NEK7: variants seen among roughly 807,000 people sequenced by gnomAD.
The protein encoded by NEK7 is serine/threonine-protein kinase Nek7.
A neutral mutation model predicts 44.6 loss-of-function variants in NEK7; 18 were observed. The ratio of observed to expected loss-of-function variants is 0.40; its 90% CI spans 0.28 to 0.60. NEK7 has a LOEUF of 0.60. Ranked by LOEUF, NEK7 falls within the 20% of genes least tolerant of loss-of-function variation. The pLI is 0.38. For missense variants in NEK7, 256 were observed against 366.5 expected (o/e 0.70, Z 2.46); for synonymous variants, 130 against 121.1 (o/e 1.07, Z -0.48).
chr1:198,189,210 A>C (rs988062265), intron 1 of NEK7, among the ~76,000 whole-genome samples: 3 of 152,194 alleles, frequency 2.0e-5, no homozygotes, highest in Admixed American at 6.5e-5. Context: ...ATAGGAAAAG[A>C]AAGTGGAAAA....
At chr1:198,275,598 A>G (rs1034628648) in intron 5 of NEK7, among the ~76,000 whole-genome samples, 8 of 151,442 alleles carry the variant, frequency 5.3e-5, no homozygotes, top group Non-Finnish European at 1.5e-5. Context: ...TAGATAATTA[A>G]CTTTTAAAAA....
At chr1:198,239,176 T>C (rs1011278391) in intron 2 of NEK7, among the ~76,000 whole-genome samples, 1 of 152,226 alleles carries the variant, frequency 6.6e-6, no homozygotes, top group Non-Finnish European at 1.5e-5. Context: ...AGAGTTGTCT[T>C]TCTAAAGTAT....
intron 3 of NEK7, among the ~76,000 whole-genome samples, chr1:198,254,886 T>C (rs1653199855): frequency 1.3e-5 from 2 of 152,186 alleles, no homozygotes; most frequent in Admixed American, 1.3e-4. Context: ...GAGATTACTT[T>C]TGGAACGATT....
chr1:198,239,445 T>G (rs1666626445), intron 2 of NEK7, among the ~76,000 whole-genome samples: 1 of 152,140 alleles, frequency 6.6e-6, no homozygotes, highest in Non-Finnish European at 1.5e-5. Flanking sequence ...TGAGACATAA[T>G]GAACATACAG....
At chr1:198,175,255 G>A (rs768318186) in intron 1 of NEK7, among the ~76,000 whole-genome samples, 1 of 152,120 alleles carries the variant, frequency 6.6e-6, no homozygotes, top group Non-Finnish European at 1.5e-5. Flanking sequence ...GTAAAACCAT[G>A]TGTTAATTTT....
chr1:198,181,048 A>C (rs1664752028), intron 1 of NEK7, among the ~76,000 whole-genome samples: 1 of 152,074 alleles, frequency 6.6e-6, no homozygotes, highest in African/African-American at 2.4e-5. Flanking sequence ...ATTAACTTTA[A>C]ACACATGATA....
intron 1 of NEK7, among the ~76,000 whole-genome samples, chr1:198,191,404 G>A (rs1477764399): frequency 6.6e-6 from 1 of 151,818 alleles, no homozygotes; most frequent in Non-Finnish European, 1.5e-5. Context: ...TCCCTGATTT[G>A]TGATGAGATT....
chr1:198,247,581 A>T (rs1185681489), intron 2 of NEK7, among the ~76,000 whole-genome samples: 1 of 152,190 alleles, frequency 6.6e-6, no homozygotes, highest in Non-Finnish European at 1.5e-5. Context: ...ATACTTATGA[A>T]ATGAATTTGC....
intron 1 of NEK7, among the ~76,000 whole-genome samples, chr1:198,163,028 A>G (rs1664154862): frequency 6.6e-6 from 1 of 152,184 alleles, no homozygotes; most frequent in South Asian, 2.1e-4. Context: ...ATATTTACCT[A>G]GGTGAATTAC....
chr1:198,318,162 A>G lies in NEK7; in HGVS notation c.799-1250A>G, dbSNP rs574920679. On this transcript the variant is annotated intron_variant, in intron 9 of 9. Transcript: ENST00000367385. ...TCGTAAAATGTAAGAGATTAGGATG[A>G]GAACAGCCCTTATAGGTCATCCACT... Among the ~76,000 whole-genome samples the G allele has an allele frequency of 7.8e-4, 119 of 152,308 alleles. 1 individual carries two copies. The Middle Eastern group carries it at 0.038, about 48-fold the overall frequency.
intron 7 of NEK7, among the ~76,000 whole-genome samples, chr1:198,280,982 A>T (rs962807473): frequency 1.3e-5 from 2 of 151,640 alleles, no homozygotes; most frequent in Admixed American, 1.3e-4. Flanking sequence ...AAATAAGAAA[A>T]TTTCCTTTAT....
chr1:198,309,191 T>A (rs2103031588), intron 9 of NEK7, among the ~76,000 whole-genome samples: 1 of 152,172 alleles, frequency 6.6e-6, no homozygotes, highest in East Asian at 1.9e-4. Flanking sequence ...GATGCATGGG[T>A]AAGGCAGACA....
chr1:198,239,057 C>T (rs2102888361), intron 2 of NEK7, among the ~76,000 whole-genome samples: 1 of 152,278 alleles, frequency 6.6e-6, no homozygotes, highest in East Asian at 1.9e-4. Context: ...GCTATAACTC[C>T]TCTAGTTTAG....
chr1:198,206,597 T>G (rs1665607175), intron 1 of NEK7, among the ~76,000 whole-genome samples: 1 of 152,138 alleles, frequency 6.6e-6, no homozygotes, highest in Non-Finnish European at 1.5e-5. Context: ...GAATCTTTCT[T>G]TGTCAGTGTA....
intron 9 of NEK7, among the ~76,000 whole-genome samples, chr1:198,306,785 AT>A (rs1420738336): frequency 6.6e-6 from 1 of 152,060 alleles, no homozygotes; most frequent in African/African-American, 2.4e-5. Flanking sequence ...GTTACTTGTG[AT>A]TTTTCCCCTT....
intron 1 of NEK7, among the ~76,000 whole-genome samples, chr1:198,189,818 A>T (rs1262595787): frequency 1.3e-5 from 2 of 152,180 alleles, no homozygotes; most frequent in East Asian, 1.9e-4. Flanking sequence ...ATCATTATGA[A>T]TCAAAACAGC....
At chr1:198,287,126 A>G (rs1654395468) in intron 7 of NEK7, among the ~76,000 whole-genome samples, 1 of 152,200 alleles carries the variant, frequency 6.6e-6, no homozygotes, top group Admixed American at 6.5e-5. Flanking sequence ...AATGGACGCG[A>G]CAGCTAGGGA....
chr1:198,266,494 A>C (rs931201881), intron 5 of NEK7, among the ~76,000 whole-genome samples: 2 of 152,090 alleles, frequency 1.3e-5, no homozygotes, highest in Non-Finnish European at 2.9e-5. Context: ...ATATAAAACT[A>C]TATACCTGCA....
At chr1:198,256,528 T>C (rs6688481) in intron 3 of NEK7, 221,746 of 1,506,056 alleles carry the variant, frequency 0.15, 18,304 homozygotes, top group African/African-American at 0.32. Context: ...TGAAATTCTC[T>C]GTACCAACTT....
Sources: gnomAD v4.1 joint callset for allele counts (sites outside exome capture counted in the v4.1 genomes callset) on GRCh38, gnomAD v4.1.1 for gene constraint, MANE v1.5 for transcripts, NCBI Gene and HGNC (gene_info 2026-07-23, HGNC 2026-07-21) for gene names.